Variants in RBFOX1 observed in about 807,000 individuals in gnomAD.
RBFOX1 encodes RNA binding fox-1 homolog 1, also known as RNA binding protein fox-1 homolog 1.
Under a neutral mutation model 57.7 loss-of-function variants are expected in RBFOX1, and 8 were observed. The ratio of observed to expected loss-of-function variants is 0.14; its 90% CI spans 0.08 to 0.25. The LOEUF (loss-of-function observed/expected upper bound fraction) is 0.25. Ranked by LOEUF, RBFOX1 falls within the 10% of genes least tolerant of loss-of-function variation. The pLI, the probability that RBFOX1 is intolerant of heterozygous loss-of-function variation, is 1.00. For synonymous variants in RBFOX1, 326 were observed against 222.4 expected (o/e 1.47, Z -4.15); for missense variants, 611 against 548.5 (o/e 1.11, Z -1.14).
intron 10 of RBFOX1, among the ~76,000 whole-genome samples, chr16:7,609,078 G>T (rs1233850974): frequency 6.6e-6 from 1 of 152,182 alleles, no homozygotes; most frequent in Non-Finnish European, 1.5e-5. Flanking sequence ...ACTCCAAATG[G>T]TTGAAAAGTC....
At chr16:7,687,580 C>T (rs1568461889) in intron 14 of RBFOX1, among the ~76,000 whole-genome samples, 1 of 152,100 alleles carries the variant, frequency 6.6e-6, no homozygotes, top group East Asian at 1.9e-4. Flanking sequence ...TCAGAAAACA[C>T]TCATGGCTGA....
At chr16:6,906,360 C>T (rs2069936749) in intron 3 of RBFOX1, among the ~76,000 whole-genome samples, 1 of 151,884 alleles carries the variant, frequency 6.6e-6, no homozygotes, top group Non-Finnish European at 1.5e-5. Context: ...TTGTTGAAAA[C>T]TCGGTAATAA....
At chr16:6,116,672 G>A (rs1031574206) in intron 1 of RBFOX1, among the ~76,000 whole-genome samples, 4 of 152,168 alleles carry the variant, frequency 2.6e-5, no homozygotes, top group Non-Finnish European at 5.9e-5. Context: ...TGTTATGTGC[G>A]ACAGCATCTT....
chr16:6,978,818 C>T (rs1033003546), intron 3 of RBFOX1, among the ~76,000 whole-genome samples: 20 of 152,298 alleles, frequency 1.3e-4, no homozygotes, highest in South Asian at 1.0e-3. Flanking sequence ...TTGCCTATAT[C>T]GGGTAACAAA....
intron 4 of RBFOX1, among the ~76,000 whole-genome samples, chr16:7,499,714 A>G (rs1272418252): frequency 6.6e-6 from 1 of 152,080 alleles, no homozygotes; most frequent in Non-Finnish European, 1.5e-5. Context: ...CAGAATCACA[A>G]CTCAACATAT....
chr16:7,501,180 A>G (rs145871280), intron 4 of RBFOX1, among the ~76,000 whole-genome samples: 3,718 of 152,272 alleles, frequency 0.024, 73 homozygotes, highest in Middle Eastern at 0.048. Flanking sequence ...ATGGTGATGG[A>G]GAAGAGAATG....
chr16:6,077,689 CTTAT>C (rs71142676), intron 1 of RBFOX1, among the ~76,000 whole-genome samples: 4 of 150,452 alleles, frequency 2.7e-5, no homozygotes, highest in Middle Eastern at 3.4e-3. Flanking sequence ...TTTATTTTTA[CTTAT>C]TTATTTATTT....
intron 3 of RBFOX1, among the ~76,000 whole-genome samples, chr16:6,676,531 C>T (rs1184130246): frequency 6.6e-6 from 1 of 152,026 alleles, no homozygotes; most frequent in Non-Finnish European, 1.5e-5. Context: ...ACATTCTATG[C>T]ATATAATCCA....
intron 2 of RBFOX1, among the ~76,000 whole-genome samples, chr16:6,557,845 A>G (rs2097126563): frequency 6.6e-6 from 1 of 152,166 alleles, no homozygotes; most frequent in African/African-American, 2.4e-5. Context: ...AGGCTAATTT[A>G]TTGGTCATTT....
chr16:6,502,014 A>G (rs2095947473), intron 2 of RBFOX1, among the ~76,000 whole-genome samples: 2 of 152,186 alleles, frequency 1.3e-5, no homozygotes, highest in South Asian at 4.2e-4. Flanking sequence ...CTTGATTTGG[A>G]ATGCCTGCTT....
chr16:6,735,290 T>TCA (rs935802808), intron 3 of RBFOX1, among the ~76,000 whole-genome samples: 2 of 152,194 alleles, frequency 1.3e-5, no homozygotes, highest in Non-Finnish European at 2.9e-5. Context: ...ACTCAGCCAC[T>TCA]CACCAGTGGG....
chr16:5,444,721 C>T (rs1048287775), intron 1 of RBFOX1, among the ~76,000 whole-genome samples: 1 of 152,136 alleles, frequency 6.6e-6, no homozygotes, highest in Non-Finnish European at 1.5e-5. Flanking sequence ...AGGAAGAGAA[C>T]AGTCACCATG....
At chr16:6,868,509 T>C (rs563007471) in intron 3 of RBFOX1, among the ~76,000 whole-genome samples, 60 of 152,242 alleles carry the variant, frequency 3.9e-4, no homozygotes, top group African/African-American at 1.4e-3. Context: ...TCTCACTCTG[T>C]CACCCAGGCT....
intron 4 of RBFOX1, among the ~76,000 whole-genome samples, chr16:5,969,118 T>G (rs1184694452): frequency 1.3e-5 from 2 of 152,114 alleles, no homozygotes; most frequent in Non-Finnish European, 2.9e-5. Flanking sequence ...GTTTTCCATT[T>G]CTTGTATCCC....
At chr16:7,653,555 T>C (rs1331060403) in intron 11 of RBFOX1, among the ~76,000 whole-genome samples, 1 of 152,182 alleles carries the variant, frequency 6.6e-6, no homozygotes, top group Non-Finnish European at 1.5e-5. Flanking sequence ...TCTCCCGTTA[T>C]ATAGAATTAT....
intron 2 of RBFOX1, among the ~76,000 whole-genome samples, chr16:6,646,221 C>G (rs8051857): frequency 6.6e-6 from 1 of 152,048 alleles, no homozygotes; most frequent in South Asian, 2.1e-4. Flanking sequence ...CTCTAGGCAG[C>G]GTGATCCGAA....
intron 4 of RBFOX1, among the ~76,000 whole-genome samples, chr16:7,463,673 A>G (rs1051465595): frequency 6.6e-6 from 1 of 152,216 alleles, no homozygotes; most frequent in Non-Finnish European, 1.5e-5. Context: ...CACCTTTGCC[A>G]TGTAAGGTAA....
chr16:5,974,229 G>C (rs999755613), intron 4 of RBFOX1, among the ~76,000 whole-genome samples: 1 of 152,146 alleles, frequency 6.6e-6, no homozygotes, highest in Non-Finnish European at 1.5e-5. Flanking sequence ...TGTTCCTGTT[G>C]CATTTGGAAC....
intron 2 of RBFOX1, among the ~76,000 whole-genome samples, chr16:6,561,658 T>C (rs1461350219): frequency 2.6e-5 from 4 of 152,256 alleles, no homozygotes; most frequent in Non-Finnish European, 2.9e-5. Context: ...TCCTTTCTTT[T>C]ATTTTATCTT....
Sources: allele counts gnomAD v4.1 joint callset (sites outside exome capture counted in the v4.1 genomes callset), GRCh38; gene constraint gnomAD v4.1.1; transcripts MANE v1.5; gene names NCBI Gene and HGNC (gene_info 2026-07-23, HGNC 2026-07-21).